The following SDK2 variants were observed in gnomAD, a reference collection of about 807,000 sequenced individuals.
SDK2 encodes sidekick cell adhesion molecule 2, also known as protein sidekick-2.
A neutral mutation model predicts 253.9 loss-of-function variants in SDK2; 105 were observed. The observed-to-expected ratio is 0.41, with a 90% CI of 0.35 to 0.49. The LOEUF (loss-of-function observed/expected upper bound fraction) is 0.49, where lower values mean the gene tolerates loss of function less well. Ranked by LOEUF, SDK2 falls within the 20% of genes least tolerant of loss-of-function variation. SDK2 has a pLI of 0.06. For missense variants in SDK2, 2,608 were observed against 3,003.0 expected (o/e 0.87, Z 3.07); for synonymous variants, 1,249 against 1,234.9 (o/e 1.01, Z -0.24).
chr17:73,403,500 T>C (rs1488025368), intron 18 of SDK2, among the ~76,000 whole-genome samples: 1 of 151,460 alleles, frequency 6.6e-6, no homozygotes, highest in Admixed American at 6.6e-5. Flanking sequence ...TCTCCAATAA[T>C]GACAGCTGGT....
intron 1 of SDK2, among the ~76,000 whole-genome samples, chr17:73,552,602 C>T (rs373484426): frequency 2.0e-5 from 3 of 152,122 alleles, no homozygotes; most frequent in African/African-American, 2.4e-5. Flanking sequence ...TCAAGAAGTA[C>T]GTACGAGCAT....
At chr17:73,506,851 C>T (rs2063939637) in intron 2 of SDK2, among the ~76,000 whole-genome samples, 1 of 152,250 alleles carries the variant, frequency 6.6e-6, no homozygotes, top group Non-Finnish European at 1.5e-5. Flanking sequence ...CCCTGCTCTT[C>T]CTTCTCCCCA....
Position 73,485,146 on chromosome 17 carries a change from TG to T in SDK2, c.225-12929del, listed in dbSNP as rs573797276. ...AATTCAACTCATAACAGCTGAGGCTTGAGCCGTGGGGTGACTTAGAGATGGG... is the reference window on the plus strand; with the variant it reads ...AATTCAACTCATAACAGCTGAGGCTTAGCCGTGGGGTGACTTAGAGATGGG... On this transcript the variant is annotated intron_variant, in intron 2 of 44. Coordinates refer to ENST00000392650, the MANE Select transcript of SDK2 (RefSeq NM_001144952.2). Among the ~76,000 whole-genome samples the T allele has an allele frequency of 5.0e-3, 760 of 152,284 alleles. 6 individuals are homozygous for T. The highest frequency in any genetic ancestry group is 0.017 in the African/African-American group (709 of 41,550).
intron 8 of SDK2, 60 bp downstream of exon 8, chr17:73,437,679 G>A: frequency 7.5e-7 from 1 of 1,340,676 alleles, no homozygotes; most frequent in Non-Finnish European, 1.1e-6. Flanking sequence ...TCCACAATGA[G>A]GATGGGAGAG....
At chr17:73,454,660 C>T (rs1277440762) in intron 4 of SDK2, among the ~76,000 whole-genome samples, 1 of 152,182 alleles carries the variant, frequency 6.6e-6, no homozygotes, top group Admixed American at 6.5e-5. Context: ...CAGGACATAG[C>T]AGCCATTCAA....
At chr17:73,589,056 A>G (rs1204161720) in intron 1 of SDK2, among the ~76,000 whole-genome samples, 1 of 152,268 alleles carries the variant, frequency 6.6e-6, no homozygotes, top group Non-Finnish European at 1.5e-5. Context: ...TTGCATGGAG[A>G]GAGGCTTGGT....
intron 1 of SDK2, among the ~76,000 whole-genome samples, chr17:73,559,606 C>T (rs1440061434): frequency 7.2e-6 from 1 of 138,134 alleles, no homozygotes; most frequent in Admixed American, 6.9e-5. Flanking sequence ...GTGCCCCCCG[C>T]CCCCGCCACC....
In SDK2 at chr17:73,374,239, T is replaced by C. The variant is rs1197963783; in HGVS notation, c.4980+4938A>G. On this transcript the variant is annotated intron_variant, in intron 36 of 44. Coordinates refer to ENST00000392650, the MANE Select transcript of SDK2 (RefSeq NM_001144952.2). ...TATGCCGAGGACTCTATAATTCACATCTCTGGTTTGATCCTTCTCTCTTGA... is the reference window on the plus strand; with the variant it reads ...TATGCCGAGGACTCTATAATTCACACCTCTGGTTTGATCCTTCTCTCTTGA... 1.4e-5 allele frequency among the ~76,000 whole-genome samples: 2 copies of C among 144,738 alleles called. 1 individual carries two copies. The highest frequency in any genetic ancestry group is 2.9e-5 in the Non-Finnish European group (2 of 67,854). 95.0% of individuals were successfully genotyped at this position (144,738 alleles called of 152,430 possible). A position where few individuals can be genotyped will look rare whatever the true frequency, so the allele number is the denominator to read the frequency against.
rs1241844756 is a variant in SDK2 at position 73,589,514 on chromosome 17, A to G, written c.64+54511T>C. ...TGCTCCACCACTTCCAGCAGCGTGAAGCTTGGCCAAGCTGCTTACTCCACA... is the reference window on the plus strand; with the variant it reads ...TGCTCCACCACTTCCAGCAGCGTGAGGCTTGGCCAAGCTGCTTACTCCACA... On this transcript the variant is annotated intron_variant, in intron 1 of 44. Transcript: ENST00000392650. 2.0e-5 allele frequency among the ~76,000 whole-genome samples: 3 copies of G among 152,236 alleles called. No individual in the cohort carries two copies. The South Asian group carries it at 6.2e-4, about 31-fold the overall frequency.
intron 3 of SDK2, among the ~76,000 whole-genome samples, chr17:73,456,299 G>A (rs2063525518): frequency 6.6e-6 from 1 of 152,226 alleles, no homozygotes; most frequent in Admixed American, 6.5e-5. Flanking sequence ...ACCACCCTGA[G>A]AGGTTGGTCA....
chr17:73,419,397 C>T (rs2063209676), intron 15 of SDK2, 91 bp from the exon 16 acceptor site: 1 of 1,423,760 alleles, frequency 7.0e-7, no homozygotes, highest in East Asian at 2.4e-5. Context: ...CCTGCTCTGA[C>T]TCTGGATAAT....
chr17:73,398,369 C>G lies in SDK2; in HGVS notation c.3154G>C (p.Asp1052His), dbSNP rs569887290. 6 of 1,613,940 alleles carry G rather than the reference C, an allele frequency of 3.7e-6. No homozygotes were observed. Among genetic ancestry groups the G allele is most frequent in the Non-Finnish European group, 5.1e-6 (6 of 1,179,850 alleles). ...LLIHQLSNEPDARSMEVPDLN... is the reference protein window; with the variant it reads ...LLIHQLSNEPHARSMEVPDLN... ...TCGGGCACCTCCATGGAGCGGGCAT[C>G]GGGCTCATTGGAGAGCTGGTGGATC... Residue 1052 changes from aspartate to histidine, a missense_variant, in exon 23 of 45, where the codon GAT (aspartate) becomes CAT (histidine). Physicochemically the swap from Asp to His is moderately conservative, Grantham distance 81. Coordinates refer to ENST00000392650, the MANE Select transcript of SDK2 (RefSeq NM_001144952.2).
Position 73,395,326 on chromosome 17 carries a change from A to C in SDK2, c.3421T>G (p.Ser1141Ala). Residue 1141 changes from serine (S) to alanine (A), a missense_variant, in exon 25 of 45, where the codon TCA becomes GCA. Physicochemically the swap from Ser to Ala is moderately conservative, Grantham distance 99 (BLOSUM62 1). This residue lies in a region of SDK2 where 1,505 missense variants were observed against 1,859.1 expected (regional missense o/e 0.81). Coordinates refer to ENST00000392650, the MANE Select transcript of SDK2 (RefSeq NM_001144952.2). This position sits in a 1 kb window ranked among gnomAD's most constrained non-coding sequence, Gnocchi z 4.3. Reference sequence around the variant, plus strand: ...CTCAGCGTCTTGCCATGCCCGTCTGACCGGCTGTACTTGATCTTATAGCCC... The same window carrying C: ...CTCAGCGTCTTGCCATGCCCGTCTGCCCGGCTGTACTTGATCTTATAGCCC... Reference protein sequence around the residue: ...SVGYKIKYSRSDGHGKTLSHV... With the variant: ...SVGYKIKYSRADGHGKTLSHV... 1 of 1,613,854 alleles carries C rather than the reference A, an allele frequency of 6.2e-7. No homozygotes were observed. The highest frequency in any genetic ancestry group is 8.5e-7 in the Non-Finnish European group (1 of 1,179,868).
chr17:73,455,988 G>C lies in SDK2; in HGVS notation c.397C>G (p.Arg133Gly). The change falls in exon 4 of 45, where the codon CGT (arginine) becomes GGT (glycine). Residue 133 changes from arginine (R) to glycine (G), a missense_variant. This residue lies in a region of SDK2 where 1,505 missense variants were observed against 1,859.1 expected (regional missense o/e 0.81). Transcript: ENST00000392650. The surrounding 1 kb of genome is among the most constrained non-coding windows in gnomAD (Gnocchi z 5.0). ...GGGAAGCTGGCGATGCGCGGGGCAC[G>C]GATGACAGCTGCTTCTCCGTGGGAG... ...SVSHGEAAVI[R>G]APRIASFPQP... 3.2e-6 allele frequency: 5 copies of C among 1,547,640 alleles called. No individual in the cohort carries two copies. Among genetic ancestry groups the C allele is most frequent in the Non-Finnish European group, 4.4e-6 (5 of 1,145,330 alleles).
At chr17:73,351,591 G>C (rs74950630) in intron 41 of SDK2, among the ~76,000 whole-genome samples, 26 of 152,008 alleles carry the variant, frequency 1.7e-4, no homozygotes, top group African/African-American at 6.3e-4. Context: ...TGGACACAGG[G>C]GTTCTTTAGT....
chr17:73,491,227 G>A (rs139260423), intron 2 of SDK2, among the ~76,000 whole-genome samples: 1,655 of 152,210 alleles, frequency 0.011, 16 homozygotes, highest in Non-Finnish European at 0.018. Context: ...ACCCTGACAT[G>A]GCTCAACATA....
intron 1 of SDK2, among the ~76,000 whole-genome samples, chr17:73,581,152 G>C (rs986012193): frequency 6.6e-6 from 1 of 152,132 alleles, no homozygotes; most frequent in Admixed American, 6.6e-5. Context: ...AAAGTGCTGG[G>C]ATTACCAGTG....
intron 2 of SDK2, among the ~76,000 whole-genome samples, chr17:73,503,052 T>A (rs909905615): frequency 6.6e-6 from 1 of 152,096 alleles, no homozygotes; most frequent in African/African-American, 2.4e-5. Context: ...CAAACCCACA[T>A]TGAGGGAAAT....
chr17:73,344,772 G>T (rs1441119275), intron 44 of SDK2, among the ~76,000 whole-genome samples: 2 of 152,200 alleles, frequency 1.3e-5, no homozygotes, highest in African/African-American at 4.8e-5. Context: ...TGGACTCATG[G>T]CCCAATCTGA....
Sources: gnomAD v4.1 joint callset for allele counts (sites outside exome capture counted in the v4.1 genomes callset) on GRCh38, gnomAD v4.1.1 for gene constraint, gnomAD v4.1.1 regional missense constraint, Gnocchi (gnomAD v3.1) non-coding constraint, MANE v1.5 for transcripts, NCBI Gene and HGNC (gene_info 2026-07-23, HGNC 2026-07-21) for gene names.